The following ADAMTS2 variants were observed in gnomAD, a reference collection of about 807,000 sequenced individuals.
ADAMTS2 encodes the protein A disintegrin and metalloproteinase with thrombospondin motifs 2.
A neutral mutation model predicts 123.0 loss-of-function variants in ADAMTS2; 50 were observed. The observed-to-expected ratio is 0.41, with a 90% confidence interval of 0.32 to 0.51. The LOEUF is 0.51. Among genes scored for constraint, ADAMTS2 ranks in the 20% least tolerant of loss-of-function variants. The pLI is 0.35. For synonymous variants in ADAMTS2, 678 were observed against 695.4 expected, an observed-to-expected ratio of 0.98 and a Z score of 0.39; for missense variants, 1,494 against 1,705.2, an observed-to-expected ratio of 0.88 and a Z score of 2.18.
intron 2 of ADAMTS2, among the ~76,000 whole-genome samples, chr5:179,327,093 T>A (rs1757338129): frequency 6.6e-6 from 1 of 152,190 alleles, no homozygotes; most frequent in African/African-American, 2.4e-5. Flanking sequence ...CTCCAGCACA[T>A]AGGCCCGGCA....
intron 10 of ADAMTS2, among the ~76,000 whole-genome samples, chr5:179,149,035 C>T (rs958575809): frequency 6.6e-6 from 1 of 152,142 alleles, no homozygotes. Context: ...GGGAACAACC[C>T]AGAGAAATGC....
At position 179,192,306 on chromosome 5, in the gene ADAMTS2, G is replaced by A. The variant is rs554402903; in HGVS notation, c.892-11151C>T. On this transcript the variant is annotated intron_variant, in intron 4 of 21. Coordinates refer to ENST00000251582, the MANE Select transcript of ADAMTS2 (RefSeq NM_014244.5). The stretch of plus-strand genomic sequence containing the variant: ...GCATTACAAGCTCACGGCAAGGGTC[G>A]TCTGCTGCCAGCGTATCCCTCCCTG... Among the ~76,000 whole-genome samples the A allele has an allele frequency of 1.1e-4, 17 of 152,338 alleles. No homozygotes were observed. The East Asian group carries it at 2.7e-3, about 24-fold the overall frequency.
intron 3 of ADAMTS2, among the ~76,000 whole-genome samples, chr5:179,265,060 A>ACAGCAGC (rs1282431948): frequency 6.6e-6 from 1 of 152,036 alleles, no homozygotes; most frequent in African/African-American, 2.4e-5. Flanking sequence ...CCCTGCACCA[A>ACAGCAGC]ACTGCCCGCT....
At chr5:179,221,284 C>T (rs1207846103) in intron 3 of ADAMTS2, among the ~76,000 whole-genome samples, 2 of 152,176 alleles carry the variant, frequency 1.3e-5, no homozygotes, top group African/African-American at 4.8e-5. Flanking sequence ...GGCACCCCTG[C>T]GTGACCCCAG....
At position 179,185,240 on chromosome 5, in the gene ADAMTS2, G is replaced by A. The variant is rs1473856962; in HGVS notation, c.892-4085C>T. 2.0e-5 allele frequency among the ~76,000 whole-genome samples: 3 copies of A among 152,236 alleles called. No individual in the cohort carries two copies. Reference sequence around the variant, plus strand: ...GGGGCATTTAAGAAGCTTACTCCAGGTGCCTTACGGAAAGTAGATGGAAGG... The same window carrying A: ...GGGGCATTTAAGAAGCTTACTCCAGATGCCTTACGGAAAGTAGATGGAAGG... On this transcript the variant is annotated intron_variant, in intron 4 of 21. Coordinates refer to ENST00000251582, the MANE Select transcript of ADAMTS2 (RefSeq NM_014244.5). This position sits in a 1 kb window ranked among gnomAD's most constrained non-coding sequence, Gnocchi z 5.9.
rs1762572862 is a variant in ADAMTS2 at position 179,111,849 on chromosome 5, T to C, written c.*2018A>G. On this transcript the variant is annotated 3_prime_UTR_variant, in exon 22 of 22. Coordinates refer to ENST00000251582, the MANE Select transcript of ADAMTS2 (RefSeq NM_014244.5). The stretch of plus-strand genomic sequence containing the variant: ...GAAAGCCTCGGGCTCCGTTTCCTAA[T>C]TACAGAGGCAGGATTGCACACATGC... 1 of 152,296 alleles carries C rather than the reference T, an allele frequency of 6.6e-6. No homozygotes were observed. The highest frequency in any genetic ancestry group is 6.5e-5 in the Admixed American group (1 of 15,290). 9.4% of individuals were successfully genotyped at this position (152,296 alleles called of 1,614,324 possible). A position where few individuals can be genotyped will look rare whatever the true frequency, so the allele number is the denominator to read the frequency against.
At position 179,117,472 on chromosome 5, in the gene ADAMTS2, C is replaced by T. The variant is rs1762675271; in HGVS notation, c.3179-3148G>A. On this transcript the variant is annotated intron_variant, in intron 21 of 21. Transcript: ENST00000251582. This position sits in a 1 kb window ranked among gnomAD's most constrained non-coding sequence, Gnocchi z 4.2. Reference sequence around the variant, plus strand: ...ACATCAGCCTGGTACAGTGGTGGGCCATCTACGGCTAGTGTGCCAAGTCCC... The same window carrying T: ...ACATCAGCCTGGTACAGTGGTGGGCTATCTACGGCTAGTGTGCCAAGTCCC... Among the ~76,000 whole-genome samples the T allele has an allele frequency of 6.6e-6, 1 of 152,194 alleles. No individual in the cohort carries two copies. The highest frequency in any genetic ancestry group is 2.1e-4 in the South Asian group (1 of 4,834).
intron 2 of ADAMTS2, among the ~76,000 whole-genome samples, chr5:179,310,142 G>C (rs757324447): frequency 1.7e-4 from 26 of 152,214 alleles, no homozygotes; most frequent in Admixed American, 3.3e-4. Flanking sequence ...GCCTGCCCAG[G>C]GCTCCCTGCA....
At chr5:179,283,611 G>C (rs377406147) in intron 2 of ADAMTS2, among the ~76,000 whole-genome samples, 1 of 130,700 alleles carries the variant, frequency 7.7e-6, no homozygotes, top group Non-Finnish European at 1.6e-5. Context: ...ACAGAAGTAA[G>C]AACAAATATA....
intron 5 of ADAMTS2, among the ~76,000 whole-genome samples, chr5:179,159,479 A>G (rs1218846306): frequency 1.3e-5 from 2 of 152,226 alleles, no homozygotes; most frequent in African/African-American, 4.8e-5. Context: ...AAGTAATGGC[A>G]AAGACTTTGG....
rs571990476 is a variant in ADAMTS2 at position 179,139,059 on chromosome 5, C to T, written c.1775+831G>A. The stretch of plus-strand genomic sequence containing the variant: ...AAAATCTTTAAAATACCAGACAGGC[C>T]AAAAAGGAAAGACCGAAGCTCTGTG... On this transcript the variant is annotated intron_variant, in intron 11 of 21. Coordinates refer to ENST00000251582, the MANE Select transcript of ADAMTS2 (RefSeq NM_014244.5). 3.9e-5 allele frequency among the ~76,000 whole-genome samples: 6 copies of T among 152,292 alleles called. No homozygotes were observed. In the South Asian group the frequency reaches 1.0e-3, roughly 26 times the overall value.
chr5:179,250,508 G>A (rs941402910), intron 3 of ADAMTS2, among the ~76,000 whole-genome samples: 7 of 152,148 alleles, frequency 4.6e-5, no homozygotes, highest in East Asian at 1.9e-4. Flanking sequence ...TTATGCGCCC[G>A]AAACGCTGAA....
chr5:179,134,231 T>G (rs1425634603), intron 13 of ADAMTS2, among the ~76,000 whole-genome samples: 4 of 152,052 alleles, frequency 2.6e-5, no homozygotes, highest in Non-Finnish European at 5.9e-5. Context: ...ATCTTAAAAA[T>G]CTTCCTGTCT....
intron 2 of ADAMTS2, among the ~76,000 whole-genome samples, chr5:179,296,125 A>G (rs969476167): frequency 4.6e-5 from 7 of 152,222 alleles, no homozygotes; most frequent in African/African-American, 1.7e-4. Context: ...AGGATGGGGG[A>G]GGCCTGAGCC....
At chr5:179,302,232 T>G (rs111939762) in intron 2 of ADAMTS2, among the ~76,000 whole-genome samples, 3 of 151,206 alleles carry the variant, frequency 2.0e-5, no homozygotes, top group Non-Finnish European at 4.4e-5. Flanking sequence ...GAGGCTGAGG[T>G]GGGCGGATCA....
chr5:179,256,260 C>T lies in ADAMTS2; in HGVS notation c.688+16651G>A, dbSNP rs188718544. Among the ~76,000 whole-genome samples the T allele has an allele frequency of 3.5e-4, 54 of 152,276 alleles. No individual in the cohort carries two copies. The highest frequency in any genetic ancestry group is 1.3e-3 in the African/African-American group (52 of 41,562). Reference sequence around the variant, plus strand: ...TCCCAAGTTGTCATCTTGTGACCCGCCCCTGGGGACACGGGTGCCCAACAG... The same window carrying T: ...TCCCAAGTTGTCATCTTGTGACCCGTCCCTGGGGACACGGGTGCCCAACAG... On this transcript the variant is annotated intron_variant, in intron 3 of 21. Coordinates refer to ENST00000251582, the MANE Select transcript of ADAMTS2 (RefSeq NM_014244.5). This position sits in a 1 kb window ranked among gnomAD's most constrained non-coding sequence, Gnocchi z 4.1.
chr5:179,274,225 T>C (rs1201773907), intron 2 of ADAMTS2, among the ~76,000 whole-genome samples: 1 of 152,166 alleles, frequency 6.6e-6, no homozygotes, highest in Non-Finnish European at 1.5e-5. Flanking sequence ...TTCTGGTCCA[T>C]TATCCATAAA....
In ADAMTS2 at chr5:179,126,062, C is replaced by A; in HGVS notation, c.2686G>T (p.Ala896Ser). Reference sequence around the variant, plus strand: ...ATGGCTTTGGGCTTCGAGAGGGCGGCACAGAAGCCACGGTGTACCATCTTG... The same window carrying A: ...ATGGCTTTGGGCTTCGAGAGGGCGGAACAGAAGCCACGGTGTACCATCTTG... Reference protein sequence around the residue: ...DHKMVHRGFCAALSKPKAIRR... With the variant: ...DHKMVHRGFCSALSKPKAIRR... Residue 896 changes from alanine (A) to serine (S), a missense_variant, in exon 18 of 22, where the codon GCC becomes TCC. Physicochemically the swap from Ala to Ser is moderately conservative, Grantham distance 99 (BLOSUM62 1). Coordinates refer to ENST00000251582, the MANE Select transcript of ADAMTS2 (RefSeq NM_014244.5). 1 of 1,613,370 alleles carries A rather than the reference C, an allele frequency of 6.2e-7. No individual in the cohort carries two copies.
At chr5:179,140,996 G>A (rs112550487) in intron 10 of ADAMTS2, among the ~76,000 whole-genome samples, 4,082 of 150,116 alleles carry the variant, frequency 0.027, 222 homozygotes, top group African/African-American at 0.094. Context: ...TTTATTTTTA[G>A]TAGACACAGG....
Sources: gnomAD v4.1 joint callset for allele counts (sites outside exome capture counted in the v4.1 genomes callset) on GRCh38, gnomAD v4.1.1 for gene constraint, Gnocchi (gnomAD v3.1) non-coding constraint, MANE v1.5 for transcripts, NCBI Gene and HGNC (gene_info 2026-07-23, HGNC 2026-07-21) for gene names.